Variants in MAPK14 observed in about 807,000 individuals in gnomAD.
The protein encoded by MAPK14 is mitogen-activated protein kinase 14, also known as CSAID-binding protein.
MAPK14 carries 16 observed loss-of-function variants against 49.6 expected under a neutral mutation model. The observed-to-expected ratio is 0.32, with a 90% CI of 0.22 to 0.49. The LOEUF is 0.49. Among genes scored for constraint, MAPK14 ranks in the 20% least tolerant of loss-of-function variants. The pLI is 0.99. For missense variants in MAPK14, 200 were observed against 441.2 expected (o/e 0.45, Z 4.90); for synonymous variants, 142 against 158.0 (o/e 0.90, Z 0.76).
At chr6:36,098,406 C>T (rs1225359794) in intron 9 of MAPK14, among the ~76,000 whole-genome samples, 7 of 152,124 alleles carry the variant, frequency 4.6e-5, no homozygotes, top group African/African-American at 1.7e-4. Context: ...GGCACAGTGG[C>T]TCACATTTGT....
In MAPK14 at chr6:36,028,381, C is replaced by A; in HGVS notation, c.116+108C>A. 1 of 750,478 alleles carries A rather than the reference C, an allele frequency of 1.3e-6. No homozygotes were observed. Among genetic ancestry groups the A allele is most frequent in the South Asian group, 1.6e-5 (1 of 61,198 alleles). 46.5% of individuals were successfully genotyped at this position (750,478 alleles called of 1,614,324 possible). ...TGCGTCAAGTGGCAGGAATTTTCCT[C>A]GGGGGAGGGCATTGCTGCCCCTTCG... On this transcript the variant is annotated intron_variant, in intron 1 of 11. Transcript: ENST00000229794. This position sits in a 1 kb window ranked among gnomAD's most constrained non-coding sequence, Gnocchi z 5.1.
chr6:36,072,858 T>C lies in MAPK14; in HGVS notation c.306-15T>C, dbSNP rs748208409. ...GGGGTTCTAGATTGTTATGTAACTT[T>C]TCACTAATTTCTAGGTATCTGGTGA... On this transcript the variant is annotated splice_polypyrimidine_tract_variant and intron_variant, in intron 3 of 11. Transcript: ENST00000229794. The C allele has an allele frequency of 7.3e-7, 1 of 1,372,638 alleles. No individual in the cohort carries two copies. Among genetic ancestry groups the C allele is most frequent in the South Asian group, 1.2e-5 (1 of 81,746 alleles). 85.0% of individuals were successfully genotyped at this position (1,372,638 alleles called of 1,614,324 possible).
At chr6:36,047,444 A>G (rs963031901) in intron 1 of MAPK14, among the ~76,000 whole-genome samples, 4 of 152,242 alleles carry the variant, frequency 2.6e-5, no homozygotes, top group Non-Finnish European at 5.9e-5. Flanking sequence ...AGTGGTGACC[A>G]GATCACCTGG....
At chr6:36,081,554 G>A (rs536849801) in intron 8 of MAPK14, among the ~76,000 whole-genome samples, 25 of 152,190 alleles carry the variant, frequency 1.6e-4, no homozygotes, top group African/African-American at 4.8e-4. Context: ...AGCAATACAC[G>A]TGTGGGTTTA....
At chr6:36,036,053 G>C (rs898208884) in intron 1 of MAPK14, among the ~76,000 whole-genome samples, 3 of 152,018 alleles carry the variant, frequency 2.0e-5, no homozygotes, top group Non-Finnish European at 4.4e-5. Context: ...GCGAAACTCT[G>C]CCTCTAGAAA....
chr6:36,059,817 C>T (rs1409925540), intron 3 of MAPK14, among the ~76,000 whole-genome samples: 1 of 152,132 alleles, frequency 6.6e-6, no homozygotes, highest in Non-Finnish European at 1.5e-5. Context: ...CATGCCTGGC[C>T]GATCCCAACT....
At chr6:36,101,531 G>T (rs1018381269) in intron 9 of MAPK14, among the ~76,000 whole-genome samples, 2 of 151,544 alleles carry the variant, frequency 1.3e-5, no homozygotes, top group African/African-American at 4.9e-5. Context: ...TGTCACCCCA[G>T]CTGGAGTGCA....
At chr6:36,056,669 A>G (rs193062919) in intron 2 of MAPK14, among the ~76,000 whole-genome samples, 1 of 152,246 alleles carries the variant, frequency 6.6e-6, no homozygotes, top group Non-Finnish European at 1.5e-5. Flanking sequence ...TGTAAATCAG[A>G]TCTCTAATGA....
chr6:36,028,342 C>G lies in MAPK14; in HGVS notation c.116+69C>G, dbSNP rs1762390800. ...CTCGCGCCCGAGGGCCAGGCCTGCT[C>G]CACTGCTCAGCGTTGCGTCAAGTGG... On this transcript the variant is annotated intron_variant, in intron 1 of 11. Coordinates refer to ENST00000229794, the MANE Select transcript of MAPK14 (RefSeq NM_139012.3). This position sits in a 1 kb window ranked among gnomAD's most constrained non-coding sequence, Gnocchi z 5.1. 4.6e-6 allele frequency: 5 copies of G among 1,093,736 alleles called. No homozygotes were observed. The highest frequency in any genetic ancestry group is 7.0e-6 in the Non-Finnish European group (5 of 716,760). The allele number at this position is 1,093,736 out of a possible 1,614,324, so 67.8% of individuals were successfully genotyped here.
At chr6:36,043,717 C>T (rs1763054544) in intron 1 of MAPK14, among the ~76,000 whole-genome samples, 1 of 151,740 alleles carries the variant, frequency 6.6e-6, no homozygotes, top group South Asian at 2.1e-4. Context: ...GAAAAAAAGC[C>T]TGAAATTGTA....
intron 9 of MAPK14, 106 bp downstream of exon 9, chr6:36,096,172 T>C (rs1765438070): frequency 1.3e-6 from 1 of 758,658 alleles, no homozygotes; most frequent in East Asian, 2.5e-5. Context: ...ACATGCCCTT[T>C]GTGTGCTGAC....
At position 36,028,101 on chromosome 6, in the gene MAPK14, G is replaced by T; in HGVS notation, c.-57G>T. ...GCAGCAAGGGCCGGGGAGAGGGTGC[G>T]GGTGCAGGCGGGGGCCCCACAGGGC... On this transcript the variant is annotated 5_prime_UTR_variant, in exon 1 of 12. Transcript: ENST00000229794. The surrounding 1 kb of genome is among the most constrained non-coding windows in gnomAD (Gnocchi z 5.1). 8.5e-7 allele frequency: 1 copy of T among 1,177,968 alleles called. No individual in the cohort carries two copies. The allele number at this position is 1,177,968 out of a possible 1,614,324, so 73.0% of individuals were successfully genotyped here. A position where few individuals can be genotyped will look rare whatever the true frequency, so the allele number is the denominator to read the frequency against.
chr6:36,070,487 T>C (rs1764226637), intron 3 of MAPK14, among the ~76,000 whole-genome samples: 1 of 152,246 alleles, frequency 6.6e-6, no homozygotes, highest in Admixed American at 6.5e-5. Context: ...CATAATAAAC[T>C]GCTTGCTGCA....
At chr6:36,099,518 T>G (rs1386431598) in intron 9 of MAPK14, among the ~76,000 whole-genome samples, 4 of 152,220 alleles carry the variant, frequency 2.6e-5, no homozygotes, top group Admixed American at 2.6e-4. Context: ...GAGGAAATCA[T>G]GTGGCATGCT....
chr6:36,036,992 C>T (rs151293779), intron 1 of MAPK14, among the ~76,000 whole-genome samples: 3,947 of 152,212 alleles, frequency 0.026, 84 homozygotes, highest in African/African-American at 0.061. Flanking sequence ...CCTCCTGCCT[C>T]GGCCTCCCAA....
Position 36,080,425 on chromosome 6 carries a change from C to G in MAPK14, c.682+3817C>G, listed in dbSNP as rs951207966. ...TTCTGTCTCTGTGGATTTGCTTATT[C>G]TAGAAATTTCATAGAAGTAGAATCA... On this transcript the variant is annotated intron_variant, in intron 8 of 11. Coordinates refer to ENST00000229794, the MANE Select transcript of MAPK14 (RefSeq NM_139012.3). 8.5e-5 allele frequency among the ~76,000 whole-genome samples: 13 copies of G among 152,212 alleles called. No homozygotes were observed. In the South Asian group the frequency reaches 2.7e-3, roughly 32 times the overall value.
intron 8 of MAPK14, among the ~76,000 whole-genome samples, chr6:36,093,482 G>C (rs1386520543): frequency 6.6e-6 from 1 of 152,134 alleles, no homozygotes; most frequent in Non-Finnish European, 1.5e-5. Flanking sequence ...CCCTTTGGGA[G>C]GCCGAGGCAG....
At chr6:36,073,076 A>T (rs1210574363) in intron 4 of MAPK14, 92 bp downstream of exon 4, 1 of 805,594 alleles carries the variant, frequency 1.2e-6, no homozygotes, top group South Asian at 1.4e-5. Context: ...CAACTTTTCT[A>T]ATGGAAAATT....
intron 8 of MAPK14, among the ~76,000 whole-genome samples, chr6:36,081,822 C>T (rs1400527171): frequency 6.6e-6 from 1 of 152,094 alleles, no homozygotes; most frequent in Non-Finnish European, 1.5e-5. Flanking sequence ...ATTTTTAGAT[C>T]ACTTTAAGTG....
Sources: allele counts gnomAD v4.1 joint callset (sites outside exome capture counted in the v4.1 genomes callset), GRCh38; gene constraint gnomAD v4.1.1; non-coding constraint Gnocchi (gnomAD v3.1); transcripts MANE v1.5; gene names NCBI Gene and HGNC (gene_info 2026-07-23, HGNC 2026-07-21).